PCBP3: variants seen among roughly 807,000 people sequenced by gnomAD.
PCBP3 encodes the protein poly(rC) binding protein 3.
Under a neutral mutation model 52.7 loss-of-function variants are expected in PCBP3, and 25 were observed. The ratio of observed to expected loss-of-function variants is 0.47; its 90% CI spans 0.35 to 0.66. PCBP3 has a LOEUF of 0.66. Among genes scored for constraint, PCBP3 ranks in the 30% least tolerant of loss-of-function variants. The probability of loss-of-function intolerance (pLI) is 0.01; values close to 1 mark genes in which losing one functional copy is unlikely to be tolerated. For synonymous variants in PCBP3, 162 were observed against 183.0 expected, an observed-to-expected ratio of 0.89 and a Z score of 0.93; for missense variants, 391 against 490.3, an observed-to-expected ratio of 0.80 and a Z score of 1.91.
At chr21:45,818,364 C>T (rs151232197) in intron 4 of PCBP3, among the ~76,000 whole-genome samples, 14 of 152,230 alleles carry the variant, frequency 9.2e-5, no homozygotes, top group African/African-American at 2.6e-4. Context: ...CATTGGGGCT[C>T]ACTGTGTTGA....
At chr21:45,700,221 T>C (rs1388335993) in intron 2 of PCBP3, among the ~76,000 whole-genome samples, 1 of 152,216 alleles carries the variant, frequency 6.6e-6, no homozygotes, top group Non-Finnish European at 1.5e-5. Context: ...GGATTACTAA[T>C]ATTCTGTGGT....
At chr21:45,658,382 C>T (rs936543693) in intron 1 of PCBP3, among the ~76,000 whole-genome samples, 4 of 152,166 alleles carry the variant, frequency 2.6e-5, no homozygotes, top group African/African-American at 9.7e-5. Flanking sequence ...CAGCTCACTG[C>T]AGCCTCTGCC....
At chr21:45,691,825 C>T (rs570156020) in intron 2 of PCBP3, among the ~76,000 whole-genome samples, 2 of 152,116 alleles carry the variant, frequency 1.3e-5, no homozygotes, top group South Asian at 4.1e-4. Context: ...TCTCAAGGTA[C>T]TACTATAATT....
chr21:45,844,524 C>A (rs1431412991), intron 4 of PCBP3, among the ~76,000 whole-genome samples: 1 of 152,124 alleles, frequency 6.6e-6, no homozygotes, highest in Admixed American at 6.5e-5. Flanking sequence ...TTTTGTGTGG[C>A]AGAAGTAATG....
intron 4 of PCBP3, among the ~76,000 whole-genome samples, chr21:45,777,010 AG>A (rs2090312779): frequency 1.3e-5 from 2 of 152,114 alleles, no homozygotes; most frequent in East Asian, 3.9e-4. Flanking sequence ...TTTACCACTG[AG>A]TTATGTTTTC....
intron 4 of PCBP3, among the ~76,000 whole-genome samples, chr21:45,768,022 TGGCCACA>T (rs1733588128): frequency 6.6e-6 from 1 of 152,254 alleles, no homozygotes; most frequent in South Asian, 2.1e-4. Context: ...CTACCCACGT[TGGCCACA>T]GGCCATGGTG....
intron 4 of PCBP3, among the ~76,000 whole-genome samples, chr21:45,801,873 A>G (rs1381519823): frequency 6.6e-6 from 1 of 152,132 alleles, no homozygotes; most frequent in African/African-American, 2.4e-5. Flanking sequence ...AAACCCATAT[A>G]ATTACTCCCC....
chr21:45,732,901 G>A (rs1157988640), intron 2 of PCBP3: 1 of 152,180 alleles, frequency 6.6e-6, no homozygotes, highest in East Asian at 1.9e-4. Context: ...TCAGAGTGCT[G>A]GGATTACAGG....
rs138179895 is a variant in PCBP3, at chr21:45,880,328, ACTT to A, written c.11-15874_11-15872del. The stretch of plus-strand genomic sequence containing the variant: ...GGCGCCGCGGTCCTGACCCCACACA[ACTT>A]CTTCTGCCATGGCCCAAACCCAGCC... On this transcript the variant is annotated intron_variant, in intron 5 of 17. Coordinates refer to ENST00000681687, the MANE Select transcript of PCBP3 (RefSeq NM_001384156.1). The surrounding 1 kb of genome is among the most constrained non-coding windows in gnomAD (Gnocchi z 5.4). Among the ~76,000 whole-genome samples the A allele has an allele frequency of 6.9e-3, 1,046 of 151,928 alleles. 12 individuals are homozygous for A. The highest frequency in any genetic ancestry group is 0.024 in the African/African-American group (978 of 41,438).
chr21:45,794,226 A>G (rs1401627885), intron 4 of PCBP3, among the ~76,000 whole-genome samples: 1 of 152,320 alleles, frequency 6.6e-6, no homozygotes, highest in East Asian at 1.9e-4. Flanking sequence ...ACCATTGTAA[A>G]TGATTTACAA....
chr21:45,740,031 A>G (rs2086304142), intron 3 of PCBP3, among the ~76,000 whole-genome samples: 1 of 152,198 alleles, frequency 6.6e-6, no homozygotes. Context: ...CTTTTGCCTG[A>G]GTCCATTCTG....
At chr21:45,804,744 A>G (rs1369293398) in intron 4 of PCBP3, among the ~76,000 whole-genome samples, 2 of 152,088 alleles carry the variant, frequency 1.3e-5, no homozygotes, top group Non-Finnish European at 2.9e-5. Context: ...TTTTAGCCAC[A>G]TGAAGATAGT....
At chr21:45,907,490 T>G (rs768245453) in intron 9 of PCBP3, among the ~76,000 whole-genome samples, 1 of 152,230 alleles carries the variant, frequency 6.6e-6, no homozygotes, top group African/African-American at 2.4e-5. Context: ...TCATCTTACG[T>G]CTGTCTTTGT....
rs1438407030 is a variant in PCBP3 at position 45,743,291 on chromosome 21, GA to G, written c.-162+7865del. On this transcript the variant is annotated intron_variant, in intron 3 of 17. Transcript: ENST00000681687. ...TTTATTTGCAAAAGGGTTTTCAGGT[GA>G]AATTTGACTTATTTTTACCTTGACC... Among the ~76,000 whole-genome samples, 3 of 152,308 alleles carry G rather than the reference GA, an allele frequency of 2.0e-5. No homozygotes were observed. In the East Asian group the frequency reaches 5.8e-4, roughly 29 times the overall value.
chr21:45,794,324 G>T (rs886559983), intron 4 of PCBP3, among the ~76,000 whole-genome samples: 1 of 152,206 alleles, frequency 6.6e-6, no homozygotes, highest in Non-Finnish European at 1.5e-5. Flanking sequence ...GCTGAGGTGG[G>T]ATTATCGCTT....
At chr21:45,696,079 C>CAAAAAAAAAAAA (rs71185164) in intron 2 of PCBP3, among the ~76,000 whole-genome samples, 2 of 39,638 alleles carry the variant, frequency 5.0e-5, no homozygotes, top group Admixed American at 7.8e-4. Context: ...GACTCTGTCT[C>CAAAAAAAAAAAA]AAAAAAAAAA....
At chr21:45,815,624 ATGAGTGG>A (rs1405311747) in intron 4 of PCBP3, among the ~76,000 whole-genome samples, 8 of 11,108 alleles carry the variant, frequency 7.2e-4, no homozygotes, top group African/African-American at 3.7e-3. Context: ...GTAGTGAGTG[ATGAGTGG>A]TGAGTGGTGA....
intron 4 of PCBP3, chr21:45,836,159 T>C (rs192893486): frequency 4.5e-4 from 68 of 152,310 alleles, no homozygotes; most frequent in African/African-American, 1.6e-3. Context: ...GGGGCCGATG[T>C]CAGCAGACCT....
At chr21:45,922,551 T>A (rs1203471778) in intron 13 of PCBP3, among the ~76,000 whole-genome samples, 1 of 152,114 alleles carries the variant, frequency 6.6e-6, no homozygotes, top group Non-Finnish European at 1.5e-5. Flanking sequence ...CAAGACCCTG[T>A]CTCAAAAAAA....
Sources: allele counts gnomAD v4.1 joint callset (sites outside exome capture counted in the v4.1 genomes callset), GRCh38; gene constraint gnomAD v4.1.1; non-coding constraint Gnocchi (gnomAD v3.1); transcripts MANE v1.5; gene names NCBI Gene and HGNC (gene_info 2026-07-23, HGNC 2026-07-21).